Variants in ZNF676 observed in about 807,000 individuals in gnomAD.
The protein encoded by ZNF676 is zinc finger protein 676.
Under a neutral mutation model 6.0 loss-of-function variants are expected in ZNF676, and 4 were observed. The observed-to-expected ratio is 0.67, with a 90% CI of 0.33 to 1.53. The LOEUF (loss-of-function observed/expected upper bound fraction) is 1.53, where lower values mean the gene tolerates loss of function less well. Among genes scored for constraint, ZNF676 ranks in the 40% most tolerant of loss-of-function variants. The pLI is 0.06. For synonymous variants in ZNF676, 198 were observed against 223.1 expected (o/e 0.89, Z 1.00); for missense variants, 644 against 679.7 (o/e 0.95, Z 0.58).
the ZNF676 span, among the ~76,000 whole-genome samples, chr19:22,234,030 T>C: frequency 6.6e-6 from 1 of 152,234 alleles, no homozygotes; most frequent in South Asian, 2.1e-4. Flanking sequence ...GTCAAACCAT[T>C]GGCTAAAGCC....
At chr19:22,225,092 A>T in the ZNF676 span, among the ~76,000 whole-genome samples, 1 of 152,162 alleles carries the variant, frequency 6.6e-6, no homozygotes, top group Non-Finnish European at 1.5e-5. Flanking sequence ...CTAATACTCA[A>T]TACCCACTAA....
intron 1 of ZNF676, among the ~76,000 whole-genome samples, chr19:22,214,598 CAAAAAAAA>C (rs71924274): frequency 1.1e-5 from 1 of 86,990 alleles, no homozygotes; most frequent in African/African-American, 3.6e-5. Context: ...GACTTGGTCT[CAAAAAAAA>C]AAAAAAAAAA....
At chr19:22,230,163 C>A in the ZNF676 span, among the ~76,000 whole-genome samples, 2 of 152,182 alleles carry the variant, frequency 1.3e-5, no homozygotes, top group South Asian at 4.1e-4. Context: ...GAATACTATG[C>A]AGCCATAAAC....
chr19:22,207,597 T>C (rs1465022877), intron 1 of ZNF676, among the ~76,000 whole-genome samples: 1 of 152,140 alleles, frequency 6.6e-6, no homozygotes, highest in African/African-American at 2.4e-5. Flanking sequence ...AAACAACTAT[T>C]TTAAAATTCA....
chr19:22,179,819 T>A lies in ZNF676; in HGVS notation c.*131A>T. On this transcript the variant is annotated 3_prime_UTR_variant, in exon 3 of 3. Coordinates refer to ENST00000397121, the MANE Select transcript of ZNF676 (RefSeq NM_001001411.3). ...TCTCCAGCATGAATTTTCTTATGTGTAATAAAGATTGAGGACTGTTTAAAA... is the reference window on the plus strand; with the variant it reads ...TCTCCAGCATGAATTTTCTTATGTGAAATAAAGATTGAGGACTGTTTAAAA... 9.6e-7 allele frequency: 1 copy of A among 1,046,864 alleles called. No individual in the cohort carries two copies. Among genetic ancestry groups the A allele is most frequent in the Non-Finnish European group, 1.5e-6 (1 of 686,938 alleles). 64.8% of individuals were successfully genotyped at this position (1,046,864 alleles called of 1,614,324 possible). A position where few individuals can be genotyped will look rare whatever the true frequency, so the allele number is the denominator to read the frequency against.
chr19:22,189,046 A>C (rs1326417281), intron 2 of ZNF676, among the ~76,000 whole-genome samples: 1 of 152,138 alleles, frequency 6.6e-6, no homozygotes, highest in Non-Finnish European at 1.5e-5. Context: ...TCACATGGCC[A>C]AGGCAATCCT....
chr19:22,184,736 C>T (rs1023349818), intron 2 of ZNF676, among the ~76,000 whole-genome samples: 1 of 146,780 alleles, frequency 6.8e-6, no homozygotes, highest in African/African-American at 2.5e-5. Flanking sequence ...CCTATAAAGC[C>T]ACCCAGAAGA....
At position 22,179,835 on chromosome 19, in the gene ZNF676, CTG is replaced by C. The variant is rs781220066; in HGVS notation, c.*113_*114del. The C allele has an allele frequency of 1.0e-4, 122 of 1,185,798 alleles. No homozygotes were observed. Among genetic ancestry groups the C allele is most frequent in the Non-Finnish European group, 1.3e-4 (109 of 808,806 alleles). The allele number at this position is 1,185,798 out of a possible 1,614,324, so 73.5% of individuals were successfully genotyped here. On this transcript the variant is annotated 3_prime_UTR_variant, in exon 3 of 3. Coordinates refer to ENST00000397121, the MANE Select transcript of ZNF676 (RefSeq NM_001001411.3). ...TCTTATGTGTAATAAAGATTGAGGACTGTTTAAAAGCTTTGCCACATTCTTCA... is the reference window on the plus strand; with the variant it reads ...TCTTATGTGTAATAAAGATTGAGGACTTTAAAAGCTTTGCCACATTCTTCA...
chr19:22,194,680 T>C (rs1599714260), intron 1 of ZNF676, among the ~76,000 whole-genome samples: 2 of 152,052 alleles, frequency 1.3e-5, no homozygotes, highest in Non-Finnish European at 2.9e-5. Context: ...ATGGACATCA[T>C]TGGGCGAATC....
At chr19:22,201,299 C>A (rs1020029611), upstream of ZNF676, among the ~76,000 whole-genome samples, 4 of 152,090 alleles carry the variant, frequency 2.6e-5, no homozygotes, top group African/African-American at 9.7e-5. Flanking sequence ...ATAACTGGGG[C>A]AGGTTAATGA....
the ZNF676 span, among the ~76,000 whole-genome samples, chr19:22,256,157 A>T: frequency 6.6e-6 from 1 of 152,038 alleles, no homozygotes; most frequent in Non-Finnish European, 1.5e-5. Context: ...AATCTTACCA[A>T]TTTTCCTAAG....
At chr19:22,205,129 A>G (rs59643053) in intron 1 of ZNF676, among the ~76,000 whole-genome samples, 148 of 152,246 alleles carry the variant, frequency 9.7e-4, no homozygotes, top group Middle Eastern at 3.4e-3. Context: ...GAAAATTGTT[A>G]TAAAAAAAAA....
the ZNF676 span, among the ~76,000 whole-genome samples, chr19:22,239,194 T>C: frequency 3.4e-5 from 5 of 147,934 alleles, no homozygotes; most frequent in African/African-American, 1.3e-4. Flanking sequence ...ATTCCAACTG[T>C]GAATTTTTTT....
intron 2 of ZNF676, 44 bp from the exon 3 acceptor site, chr19:22,181,630 C>CA: frequency 1.4e-6 from 2 of 1,390,606 alleles, no homozygotes; most frequent in South Asian, 1.6e-5. Context: ...ATATTAGACT[C>CA]AGATAAGTAC....
At chr19:22,225,982 C>T in the ZNF676 span, among the ~76,000 whole-genome samples, 5 of 151,758 alleles carry the variant, frequency 3.3e-5, no homozygotes, top group Non-Finnish European at 5.9e-5. Flanking sequence ...GTTGCTTATG[C>T]GTTTAATGTC....
the ZNF676 span, among the ~76,000 whole-genome samples, chr19:22,226,194 CATGGCAG>C: frequency 6.6e-6 from 1 of 151,962 alleles, no homozygotes; most frequent in African/African-American, 2.4e-5. Context: ...ATTGTGTGCT[CATGGCAG>C]CTTTGTGGAA....
chr19:22,238,265 T>C, the ZNF676 span, among the ~76,000 whole-genome samples: 1 of 152,126 alleles, frequency 6.6e-6, no homozygotes, highest in Non-Finnish European at 1.5e-5. Flanking sequence ...TTGACCAGGC[T>C]GGTCTTGAAC....
At chr19:22,223,001 A>G in the ZNF676 span, among the ~76,000 whole-genome samples, 1 of 152,212 alleles carries the variant, frequency 6.6e-6, no homozygotes, top group Non-Finnish European at 1.5e-5. Context: ...AGAATTGGCC[A>G]TAAACTGTGG....
In ZNF676 at chr19:22,181,364, T is replaced by C. The variant is rs1193180911; in HGVS notation, c.353A>G (p.Tyr118Cys). The C allele has an allele frequency of 6.2e-7, 1 of 1,613,738 alleles. No individual in the cohort carries two copies. Among genetic ancestry groups the C allele is most frequent in the Admixed American group, 1.7e-5 (1 of 60,000 alleles). The change falls in exon 3 of 3, where the codon TAT (tyrosine) becomes TGT (cysteine). Residue 118 changes from tyrosine (Y) to cysteine (C), a missense_variant. Physicochemically the swap from Tyr to Cys is radical, Grantham distance 194 (BLOSUM62 -2). Transcript: ENST00000397121. ...TQSKVFQCGK[Y>C]ANVFHKCSNS... Reference sequence around the variant, plus strand: ...TGAACATTTATGAAAGACGTTTGCATATTTGCCACATTGAAATACTTTGCT... The same window carrying C: ...TGAACATTTATGAAAGACGTTTGCACATTTGCCACATTGAAATACTTTGCT...
Sources: allele counts gnomAD v4.1 joint callset (sites outside exome capture counted in the v4.1 genomes callset), GRCh38; gene constraint gnomAD v4.1.1; transcripts MANE v1.5; gene names NCBI Gene and HGNC (gene_info 2026-07-23, HGNC 2026-07-21).